CRIP2: variants seen among roughly 807,000 people sequenced by gnomAD.
CRIP2 encodes the protein cysteine-rich protein 2.
In CRIP2, 31 loss-of-function variants were observed where a neutral mutation model predicts 31.3. The ratio of observed to expected loss-of-function variants is 0.99; its 90% CI spans 0.74 to 1.34. CRIP2 has a LOEUF of 1.34. Ranked by LOEUF, CRIP2 falls within the 40% of genes most tolerant of loss-of-function variation. The probability of loss-of-function intolerance (pLI) is 0.00; values close to 1 mark genes in which losing one functional copy is unlikely to be tolerated. For synonymous variants in CRIP2, 177 were observed against 127.2 expected, an observed-to-expected ratio of 1.39 and a Z score of -2.63; for missense variants, 389 against 301.6, an observed-to-expected ratio of 1.29 and a Z score of -2.15.
rs2084006445 is a variant in CRIP2 at position 105,478,556 on chromosome 14, GTGGCGC to G, written c.196+59_196+64del. 2 of 1,577,804 alleles carry G rather than the reference GTGGCGC, an allele frequency of 1.3e-6. No individual in the cohort carries two copies. The highest frequency in any genetic ancestry group is 1.3e-5 in the African/African-American group (1 of 74,398). Reference sequence around the variant, plus strand: ...TGCCCTGGGACCTGCTGGGAGGGGCGTGGCGCTGGCGCTGGGGAGGGCTGGGGGTCC... The same window carrying G: ...TGCCCTGGGACCTGCTGGGAGGGGCGTGGCGCTGGGGAGGGCTGGGGGTCC... On this transcript the variant is annotated intron_variant, in intron 3 of 7. Coordinates refer to ENST00000329146, the MANE Select transcript of CRIP2 (RefSeq NM_001312.4). This position sits in a 1 kb window ranked among gnomAD's most constrained non-coding sequence, Gnocchi z 4.9.
chr14:105,474,709 G>A (rs1253514751), upstream of CRIP2: 2 of 978,374 alleles, frequency 2.0e-6, no homozygotes, highest in Non-Finnish European at 2.4e-6. The surrounding 1 kb of genome is among the most constrained non-coding windows in gnomAD (Gnocchi z 5.1). Context: ...GGCGCCCCCA[G>A]GCGGCCCCCA....
chr14:105,472,980 A>G, upstream of CRIP2: 1 of 573,710 alleles, frequency 1.7e-6, no homozygotes, highest in Admixed American at 3.1e-5. Flanking sequence ...ACCTTGGGGC[A>G]GGTGGTCTCC....
chr14:105,476,296 C>A, intron 1 of CRIP2: 1 of 985,552 alleles, frequency 1.0e-6, no homozygotes, highest in Non-Finnish European at 1.2e-6. Context: ...CCCAGCCTCT[C>A]AGCGGAAAAC....
intron 1 of CRIP2, chr14:105,477,383 A>G (rs971949357): frequency 1.0e-6 from 1 of 985,176 alleles, no homozygotes; most frequent in Non-Finnish European, 1.2e-6. Flanking sequence ...AGGACGAGGA[A>G]TCCACAGACA....
upstream of CRIP2, chr14:105,473,398 A>G: frequency 6.5e-7 from 1 of 1,535,618 alleles, no homozygotes; most frequent in South Asian, 1.2e-5. Context: ...GTGTGTGTGC[A>G]AGGGAGGAGG....
intron 5 of CRIP2, 35 bp downstream of exon 5, chr14:105,479,082 C>T (rs782361889): frequency 1.3e-6 from 2 of 1,587,346 alleles, no homozygotes; most frequent in South Asian, 1.1e-5. Context: ...CCCCCGCCCC[C>T]GCCCCCGCCC....
upstream of CRIP2, among the ~76,000 whole-genome samples, chr14:105,473,850 C>T (rs2083881008): frequency 6.6e-6 from 1 of 152,116 alleles, no homozygotes; most frequent in Non-Finnish European, 1.5e-5. Context: ...CCCGCCTGAC[C>T]CCTCGAGGTC....
chr14:105,476,463 C>G lies in CRIP2; in HGVS notation c.43+1558C>G, dbSNP rs1444492163. ...GTCGGAGCACATTGAGGAGGCCACC[C>G]CAGAGCCCATGCAGCCAGGGTGGGC... On this transcript the variant is annotated intron_variant, in intron 1 of 7. Transcript: ENST00000329146. 8.1e-6 allele frequency: 8 copies of G among 985,434 alleles called. No homozygotes were observed. The East Asian group carries it at 6.8e-4, about 84-fold the overall frequency. The allele number at this position is 985,434 out of a possible 1,614,324, so 61.0% of individuals were successfully genotyped here.
At chr14:105,473,197 G>T, upstream of CRIP2, 7 of 1,531,076 alleles carry the variant, frequency 4.6e-6, no homozygotes, top group South Asian at 8.4e-5. Context: ...GACCCCTAGG[G>T]ACCCCTGGGC....
rs2083998923 is a variant in CRIP2, at chr14:105,478,368, CCACTG to C, written c.138+10_138+14del. On this transcript the variant is annotated intron_variant, in intron 2 of 7. Coordinates refer to ENST00000329146, the MANE Select transcript of CRIP2 (RefSeq NM_001312.4). The surrounding 1 kb of genome is among the most constrained non-coding windows in gnomAD (Gnocchi z 4.9). ...CCCGGGGGCCACGCCGAGGTGAGCCCCACTGCGCGGCGCGGGCGGGGGCGGGGGTC... is the reference window on the plus strand; with the variant it reads ...CCCGGGGGCCACGCCGAGGTGAGCCCCGCGGCGCGGGCGGGGGCGGGGGTC... 1.3e-6 allele frequency: 2 copies of C among 1,576,484 alleles called. No individual in the cohort carries two copies. Among genetic ancestry groups the C allele is most frequent in the African/African-American group, 1.4e-5 (1 of 73,898 alleles).
intron 7 of CRIP2, 30 bp from the exon 8 acceptor site, chr14:105,479,556 C>T: frequency 6.2e-7 from 1 of 1,612,810 alleles, no homozygotes; most frequent in South Asian, 1.1e-5. Flanking sequence ...CACTGTTCCC[C>T]CGACCCACCC....
intron 1 of CRIP2, 123 bp downstream of exon 1, chr14:105,475,028 G>A: frequency 1.8e-6 from 2 of 1,132,996 alleles, no homozygotes; most frequent in African/African-American, 1.6e-5. Context: ...CCGAGGATGC[G>A]CGTCCCGGAG....
chr14:105,475,278 G>C (rs2083908474), intron 1 of CRIP2: 1 of 208,082 alleles, frequency 4.8e-6, no homozygotes, highest in Non-Finnish European at 9.6e-6. Flanking sequence ...GTACGCCCCG[G>C]GTGCGTCCCG....
At chr14:105,477,571 A>C (rs587597222) in intron 1 of CRIP2, 1 of 978,332 alleles carries the variant, frequency 1.0e-6, no homozygotes, top group Non-Finnish European at 1.2e-6. Context: ...GGAGAGCAGC[A>C]TGTGTTGAAG....
chr14:105,473,265 T>C, upstream of CRIP2: 2 of 1,472,998 alleles, frequency 1.4e-6, no homozygotes, highest in Non-Finnish European at 1.8e-6. Context: ...CTCACCATCT[T>C]CTGCCTTGGC....
At position 105,477,481 on chromosome 14, in the gene CRIP2, C is replaced by G. The variant is rs587650714; in HGVS notation, c.44-785C>G. The G allele has an allele frequency of 6.3e-5, 62 of 984,928 alleles. No individual in the cohort carries two copies. In the Middle Eastern group the frequency reaches 2.6e-3, roughly 41 times the overall value. 61.0% of individuals were successfully genotyped at this position (984,928 alleles called of 1,614,324 possible). On this transcript the variant is annotated intron_variant, in intron 1 of 7. Transcript: ENST00000329146. The stretch of plus-strand genomic sequence containing the variant: ...AGGTTCTGGGGCTGCACCTTTGACT[C>G]AGCAGCGGGGTGCTGCCAGCCCCAT...
chr14:105,478,884 C>T lies in CRIP2; in HGVS notation c.337+13C>T. 1 of 1,442,966 alleles carries T rather than the reference C, an allele frequency of 6.9e-7. No homozygotes were observed. Among genetic ancestry groups the T allele is most frequent in the African/African-American group, 1.5e-5 (1 of 67,376 alleles). The allele number at this position is 1,442,966 out of a possible 1,614,324, so 89.4% of individuals were successfully genotyped here. ...GGGCCCAGCAGAGGTGGGCTGGGCG[C>T]GGGCTGGGGCTGGGGGTTGTGGGCA... On this transcript the variant is annotated intron_variant, in intron 4 of 7. Coordinates refer to ENST00000329146, the MANE Select transcript of CRIP2 (RefSeq NM_001312.4). This position sits in a 1 kb window ranked among gnomAD's most constrained non-coding sequence, Gnocchi z 4.9.
Position 105,479,001 on chromosome 14 carries a change from C to G in CRIP2, c.360C>G (p.Thr120=), listed in dbSNP as rs11556118. 15,673 of 1,581,616 alleles carry G rather than the reference C, an allele frequency of 9.9e-3. 1,339 individuals are homozygous for G. The African/African-American group carries it at 0.19, about 19-fold the overall frequency. The change falls in exon 5 of 8, where the codon ACC becomes ACG. Residue 120 remains threonine, a synonymous_variant. Coordinates refer to ENST00000329146, the MANE Select transcript of CRIP2 (RefSeq NM_001312.4). ...PSRASSVTTF[T]GEPNTCPRCS... ...CAGCCTCCAGTGTCACCACTTTCAC[C>G]GGGGAGCCCAACACGTGCCCGCGCT...
Position 105,476,199 on chromosome 14 carries a change from C to T in CRIP2, c.43+1294C>T, listed in dbSNP as rs893614470. 4.1e-6 allele frequency: 4 copies of T among 985,374 alleles called. No individual in the cohort carries two copies. The African/African-American group carries it at 7.0e-5, about 17-fold the overall frequency. The allele number at this position is 985,374 out of a possible 1,614,324, so 61.0% of individuals were successfully genotyped here. A position where few individuals can be genotyped will look rare whatever the true frequency, so the allele number is the denominator to read the frequency against. On this transcript the variant is annotated intron_variant, in intron 1 of 7. Transcript: ENST00000329146. Reference sequence around the variant, plus strand: ...AGTCCAACTGCCCATGACTTTACCCCAGGCCGGGCCAGGCCAGCCTGGGGC... The same window carrying T: ...AGTCCAACTGCCCATGACTTTACCCTAGGCCGGGCCAGGCCAGCCTGGGGC...
Sources: allele counts gnomAD v4.1 joint callset (sites outside exome capture counted in the v4.1 genomes callset), GRCh38; gene constraint gnomAD v4.1.1; non-coding constraint Gnocchi (gnomAD v3.1); transcripts MANE v1.5; gene names NCBI Gene and HGNC (gene_info 2026-07-23, HGNC 2026-07-21).